The following ZNF721 variants were observed in gnomAD, a reference collection of about 807,000 sequenced individuals.
The protein encoded by ZNF721 is zinc finger protein 721.
In ZNF721, 2 loss-of-function variants were observed where a neutral mutation model predicts 2.4. The ratio of observed to expected loss-of-function variants is 0.82; its 90% CI spans 0.34 to 2.58. ZNF721 has a LOEUF of 2.58. Among genes scored for constraint, ZNF721 ranks in the 30% most tolerant of loss-of-function variants. ZNF721 has a pLI of 0.11. For synonymous variants in ZNF721, 398 were observed against 381.8 expected (o/e 1.04, Z -0.50); for missense variants, 1,187 against 1,085.5 (o/e 1.09, Z -1.31).
chr4:464,614 G>A (rs573116401), intron 2 of ZNF721, among the ~76,000 whole-genome samples: 6 of 152,040 alleles, frequency 3.9e-5, no homozygotes, highest in African/African-American at 1.5e-4. Flanking sequence ...GACATAAATA[G>A]TGTGTTGAAG....
rs1168035940 is a variant in ZNF721, at chr4:440,452, CT to C, written c.*1242del. ...TCGAATATATCTCTTCAAAAACCTA[CT>C]TTTCAACTTATATACAAGGAAATTT... On this transcript the variant is annotated 3_prime_UTR_variant, in exon 3 of 3. Coordinates refer to ENST00000511833, the MANE Select transcript of ZNF721 (RefSeq NM_133474.4). 6.6e-6 allele frequency: 1 copy of C among 152,132 alleles called. No individual in the cohort carries two copies. The highest frequency in any genetic ancestry group is 1.5e-5 in the Non-Finnish European group (1 of 68,032). 9.4% of individuals were successfully genotyped at this position (152,132 alleles called of 1,614,324 possible).
intron 2 of ZNF721, among the ~76,000 whole-genome samples, chr4:458,508 A>C (rs1204595988): frequency 6.6e-6 from 1 of 152,120 alleles, no homozygotes; most frequent in Non-Finnish European, 1.5e-5. Context: ...CAAACATAAC[A>C]CCACTAAAGG....
At chr4:448,435 C>G (rs74440734) in intron 2 of ZNF721, among the ~76,000 whole-genome samples, 2 of 133,368 alleles carry the variant, frequency 1.5e-5, no homozygotes, top group Non-Finnish European at 3.2e-5. Context: ...GAATCCGTAT[C>G]CCCCCCCAAA....
intron 1 of ZNF721, among the ~76,000 whole-genome samples, chr4:479,978 T>G (rs1352715170): frequency 6.6e-6 from 1 of 152,218 alleles, no homozygotes; most frequent in Non-Finnish European, 1.5e-5. Context: ...TTTCGTATTT[T>G]TTTTATGGTA....
At chr4:495,816 A>G (rs1043791117) in intron 1 of ZNF721, among the ~76,000 whole-genome samples, 6 of 152,068 alleles carry the variant, frequency 3.9e-5, no homozygotes, top group Non-Finnish European at 8.8e-5. Context: ...GTTGGCCAGG[A>G]TGGTCTTGAT....
chr4:455,842 AC>A (rs1178338314), intron 2 of ZNF721, among the ~76,000 whole-genome samples: 1 of 152,140 alleles, frequency 6.6e-6, no homozygotes, highest in Non-Finnish European at 1.5e-5. Context: ...ACTAGACTGT[AC>A]ACTTGAAAAC....
intron 1 of ZNF721, among the ~76,000 whole-genome samples, chr4:498,215 G>GAAAAAAAAAAAAA (rs797042296): frequency 9.5e-5 from 8 of 83,912 alleles, no homozygotes; most frequent in South Asian, 4.8e-4. Context: ...AAAAGAAAAA[G>GAAAAAAAAAAAAA]AAAAAAAAAA....
rs1560225482 is a variant in ZNF721 at position 444,283 on chromosome 4, G to A, written c.184C>T (p.Gln62Ter). 2 of 1,613,958 alleles carry A rather than the reference G, an allele frequency of 1.2e-6. No individual in the cohort carries two copies. Among genetic ancestry groups the A allele is most frequent in the East Asian group, 2.2e-5 (1 of 44,862 alleles). ...TTAATTCCATTATAAACTCCCTTCT[G>A]CACTTTACACACGTTCATACTTTTA... ...GCKSMNVCKV[Q>*]KGVYNGINKC... The change falls in exon 3 of 3, where the codon CAG becomes TAG. Residue 62 changes from glutamine to a stop codon, truncating the protein, a stop_gained. Transcript: ENST00000511833. LOFTEE classifies it low-confidence loss of function (END_TRUNC).
chr4:464,014 T>G (rs1715158229), intron 2 of ZNF721, among the ~76,000 whole-genome samples: 1 of 152,154 alleles, frequency 6.6e-6, no homozygotes, highest in South Asian at 2.1e-4. Context: ...GATTACTAAA[T>G]TTTTTGCAAC....
At chr4:470,115 C>T (rs1171491516) in intron 2 of ZNF721, among the ~76,000 whole-genome samples, 1 of 152,170 alleles carries the variant, frequency 6.6e-6, no homozygotes, top group Non-Finnish European at 1.5e-5. Context: ...ATCTCCCGAC[C>T]TCGTGATCCA....
rs1426368414 is a variant in ZNF721 at position 442,530 on chromosome 4, C to T, written c.1937G>A (p.Cys646Tyr). Residue 646 changes from cysteine (C) to tyrosine (Y), a missense_variant, in exon 3 of 3, where the codon TGT (cysteine) becomes TAT (tyrosine). Transcript: ENST00000511833. ...TGEKPYKCEE[C>Y]GKAFAPSTDL... ...TGTTGATGGGGCAAAGGCTTTGCCA[C>T]ACTCTTCACATTTGTAAGGTTTCTC... 6.2e-7 allele frequency: 1 copy of T among 1,613,796 alleles called. No individual in the cohort carries two copies. Among genetic ancestry groups the T allele is most frequent in the African/African-American group, 1.3e-5 (1 of 74,880 alleles).
chr4:473,972 C>T, intron 1 of ZNF721: 2 of 1,507,982 alleles, frequency 1.3e-6, no homozygotes, highest in Middle Eastern at 1.8e-4. Context: ...CCCTGCCCCG[C>T]ACACTCACCA....
intron 2 of ZNF721, among the ~76,000 whole-genome samples, chr4:445,807 T>C (rs1553864087): frequency 1.3e-5 from 2 of 152,130 alleles, no homozygotes. Flanking sequence ...GGCACATATA[T>C]ATACATGAGC....
At chr4:489,569 C>A (rs1180167682) in intron 1 of ZNF721, among the ~76,000 whole-genome samples, 1 of 152,124 alleles carries the variant, frequency 6.6e-6, no homozygotes, top group African/African-American at 2.4e-5. Flanking sequence ...GGGCACTGTC[C>A]CACCCACCCT....
intron 1 of ZNF721, among the ~76,000 whole-genome samples, chr4:474,711 CT>C (rs1271124125): frequency 6.7e-6 from 1 of 148,652 alleles, no homozygotes; most frequent in African/African-American, 2.5e-5. Context: ...CCCGTCTCTA[CT>C]AAAAAATATA....
chr4:465,270 C>T (rs1715208516), intron 2 of ZNF721, among the ~76,000 whole-genome samples: 1 of 151,836 alleles, frequency 6.6e-6, no homozygotes, highest in Admixed American at 6.6e-5. Flanking sequence ...ACTTGTATTC[C>T]CAGCTACTTG....
At chr4:487,244 C>A (rs1273888187) in intron 1 of ZNF721, among the ~76,000 whole-genome samples, 1 of 152,126 alleles carries the variant, frequency 6.6e-6, no homozygotes, top group African/African-American at 2.4e-5. Flanking sequence ...GCATAGTGTG[C>A]CAGTTTGGGG....
At chr4:498,608 G>A (rs79982072) in intron 1 of ZNF721, among the ~76,000 whole-genome samples, 1,853 of 152,236 alleles carry the variant, frequency 0.012, 41 homozygotes, top group African/African-American at 0.042. Flanking sequence ...AGGATATCAT[G>A]TAAGCAAAAT....
intron 2 of ZNF721, among the ~76,000 whole-genome samples, chr4:446,683 A>C (rs1714485095): frequency 6.7e-6 from 1 of 148,212 alleles, no homozygotes; most frequent in Non-Finnish European, 1.5e-5. Context: ...CCAACCCCGA[A>C]TTTTCTTTTT....
Sources: gnomAD v4.1 joint callset for allele counts (sites outside exome capture counted in the v4.1 genomes callset) on GRCh38, gnomAD v4.1.1 for gene constraint, MANE v1.5 for transcripts, NCBI Gene and HGNC (gene_info 2026-07-23, HGNC 2026-07-21) for gene names.